LRP1B: variants seen among roughly 807,000 people sequenced by gnomAD.
The protein encoded by LRP1B is low-density lipoprotein receptor-related protein 1B.
LRP1B carries 217 observed loss-of-function variants against 556.6 expected under a neutral mutation model. That is an observed-to-expected ratio of 0.39 (90% CI 0.35 to 0.44). The LOEUF (loss-of-function observed/expected upper bound fraction) is 0.44. LRP1B is among the 20% of genes least tolerant of loss of function. LRP1B has a pLI of 1.00. For synonymous variants in LRP1B, 2,047 were observed against 1,865.8 expected (o/e 1.10, Z -2.50); for missense variants, 5,053 against 5,620.8 (o/e 0.90, Z 3.23).
At chr2:141,276,646 C>CTTTCTTTA in intron 3 of LRP1B, among the ~76,000 whole-genome samples, 1 of 127,582 alleles carries the variant, frequency 7.8e-6, no homozygotes, top group Non-Finnish European at 1.6e-5. Flanking sequence ...TTTTTTCTTT[C>CTTTCTTTA]TTTCTTTCTT....
In LRP1B at chr2:140,963,415, G is replaced by A. The variant is rs189939725; in HGVS notation, c.2888-11475C>T. On this transcript the variant is annotated intron_variant, in intron 18 of 90. Coordinates refer to ENST00000389484, the MANE Select transcript of LRP1B (RefSeq NM_018557.3). ...TATTTCCTTTGACCCTGATTTTTAC[G>A]TGTGTGTGTGTGCATGTACATGCAT... Among the ~76,000 whole-genome samples, 26 of 150,558 alleles carry A rather than the reference G, an allele frequency of 1.7e-4. No homozygotes were observed. The East Asian group carries it at 4.9e-3, about 29-fold the overall frequency.
chr2:140,735,100 C>A (rs2105508507), intron 35 of LRP1B, among the ~76,000 whole-genome samples: 1 of 152,250 alleles, frequency 6.6e-6, no homozygotes, highest in African/African-American at 2.4e-5. Context: ...GGTTTGGCTT[C>A]CTTATCCCCC....
At chr2:141,643,895 C>T (rs1689441476) in intron 2 of LRP1B, among the ~76,000 whole-genome samples, 2 of 151,898 alleles carry the variant, frequency 1.3e-5, no homozygotes, top group South Asian at 2.1e-4. Flanking sequence ...TAACAGCGAC[C>T]TTATAGGGCT....
At chr2:142,095,233 C>T (rs578202923) in intron 1 of LRP1B, among the ~76,000 whole-genome samples, 1 of 151,260 alleles carries the variant, frequency 6.6e-6, no homozygotes, top group East Asian at 1.9e-4. Context: ...TGAAGCAATG[C>T]ACAAGAGTAT....
rs2105121616 is a variant in LRP1B, at chr2:140,851,696, C to G, written c.4667G>C (p.Cys1556Ser). The G allele has an allele frequency of 6.2e-7, 1 of 1,611,934 alleles. No homozygotes were observed. Among genetic ancestry groups the G allele is most frequent in the East Asian group, 2.2e-5 (1 of 44,786 alleles). Residue 1556 changes from cysteine to serine, a missense_variant, in exon 28 of 91, where the codon TGC becomes TCC. This residue lies in a region of LRP1B where 3,619 missense variants were observed against 3,931.9 expected (regional missense o/e 0.92). Transcript: ENST00000389484. ...TGAAGAAAGCTTCATCAAGTGGGGG[C>G]ACGCACAGGCAGCACTCCTATTGTG... is the stretch of plus-strand genomic sequence containing the variant. ...INHNRSAACA[C>S]PHLMKLSSDK...
At chr2:141,684,621 A>G (rs1225911716) in intron 2 of LRP1B, among the ~76,000 whole-genome samples, 1 of 152,024 alleles carries the variant, frequency 6.6e-6, no homozygotes, top group Non-Finnish European at 1.5e-5. Context: ...AAAAAAATTG[A>G]ACAGCGAGAA....
rs538805260 is a variant in LRP1B, at chr2:141,426,848, G to A, written c.343+53548C>T. The stretch of plus-strand genomic sequence containing the variant: ...TTTCCAATATTTTATTTTCTTATTA[G>A]ATTTTATGAAAACAATCTTCATTAG... On this transcript the variant is annotated intron_variant, in intron 3 of 90. Coordinates refer to ENST00000389484, the MANE Select transcript of LRP1B (RefSeq NM_018557.3). 3.3e-5 allele frequency among the ~76,000 whole-genome samples: 5 copies of A among 152,212 alleles called. No homozygotes were observed. In the East Asian group the frequency reaches 9.7e-4, roughly 29 times the overall value.
intron 7 of LRP1B, among the ~76,000 whole-genome samples, chr2:141,097,521 CTA>C (rs927779977): frequency 6.6e-6 from 1 of 152,070 alleles, no homozygotes; most frequent in Middle Eastern, 3.2e-3. Flanking sequence ...GAAAACAAAA[CTA>C]AATTTACTGA....
At chr2:141,619,175 T>C (rs1400851407) in intron 2 of LRP1B, among the ~76,000 whole-genome samples, 4 of 152,192 alleles carry the variant, frequency 2.6e-5, no homozygotes, top group Admixed American at 1.3e-4. Flanking sequence ...TTGAGCCTTT[T>C]TAGGGAATTT....
At chr2:141,949,908 A>T (rs1041071021) in intron 1 of LRP1B, among the ~76,000 whole-genome samples, 1 of 152,206 alleles carries the variant, frequency 6.6e-6, no homozygotes, top group Non-Finnish European at 1.5e-5. Context: ...TTAAAAGACA[A>T]ATTATCCTTC....
At chr2:141,882,852 C>T (rs1698997362) in intron 1 of LRP1B, among the ~76,000 whole-genome samples, 1 of 152,114 alleles carries the variant, frequency 6.6e-6, no homozygotes, top group African/African-American at 2.4e-5. Flanking sequence ...GGGTTATAGG[C>T]ACACATTCTG....
chr2:141,889,439 GA>G (rs1318992168), intron 1 of LRP1B, among the ~76,000 whole-genome samples: 1 of 152,132 alleles, frequency 6.6e-6, no homozygotes, highest in African/African-American at 2.4e-5. Flanking sequence ...TAAATGGATG[GA>G]AAGGACTTAA....
intron 2 of LRP1B, among the ~76,000 whole-genome samples, chr2:141,680,428 T>C (rs1413529135): frequency 6.6e-6 from 1 of 152,140 alleles, no homozygotes; most frequent in Non-Finnish European, 1.5e-5. Context: ...GGGAAACTTC[T>C]TCCCAAAAAG....
intron 1 of LRP1B, among the ~76,000 whole-genome samples, chr2:141,989,328 C>T (rs144143155): frequency 2.3e-4 from 35 of 151,752 alleles, no homozygotes; most frequent in Admixed American, 2.2e-3. Flanking sequence ...CCTCTGATGA[C>T]TTTAAAAATT....
intron 18 of LRP1B, among the ~76,000 whole-genome samples, chr2:140,966,182 G>C (rs1696215862): frequency 6.6e-6 from 1 of 152,178 alleles, no homozygotes; most frequent in Non-Finnish European, 1.5e-5. Context: ...CAGTGTAAAA[G>C]TGTTCCTATT....
chr2:140,780,071 AG>A (rs1689645310), intron 32 of LRP1B, among the ~76,000 whole-genome samples: 1 of 152,066 alleles, frequency 6.6e-6, no homozygotes, highest in South Asian at 2.1e-4. Context: ...GAAGAAAAAA[AG>A]AAATGAAAAA....
At chr2:141,676,808 G>A (rs1051929419) in intron 2 of LRP1B, among the ~76,000 whole-genome samples, 5 of 151,994 alleles carry the variant, frequency 3.3e-5, no homozygotes, top group Non-Finnish European at 5.9e-5. Context: ...ATTCTGTACC[G>A]ATGGGATTAA....
intron 20 of LRP1B, among the ~76,000 whole-genome samples, chr2:140,929,076 CTGT>C (rs1442621486): frequency 6.6e-6 from 1 of 152,018 alleles, no homozygotes; most frequent in Non-Finnish European, 1.5e-5. Context: ...TTTTTGCGAG[CTGT>C]TGTGTGAAAA....
chr2:141,218,373 T>G (rs1471305257), intron 6 of LRP1B, among the ~76,000 whole-genome samples: 2 of 152,006 alleles, frequency 1.3e-5, no homozygotes, highest in Non-Finnish European at 2.9e-5. Context: ...CACAAAGACA[T>G]AGAGTCAACC....
Sources: allele counts gnomAD v4.1 joint callset (sites outside exome capture counted in the v4.1 genomes callset), GRCh38; gene constraint gnomAD v4.1.1; regional missense constraint gnomAD v4.1.1; transcripts MANE v1.5; gene names NCBI Gene and HGNC (gene_info 2026-07-23, HGNC 2026-07-21).